The following NPEPPS variants were observed in gnomAD, a reference collection of about 807,000 sequenced individuals.
The protein encoded by NPEPPS is aminopeptidase puromycin sensitive.
A neutral mutation model predicts 115.5 loss-of-function variants in NPEPPS; 14 were observed. The ratio of observed to expected loss-of-function variants is 0.12; its 90% CI spans 0.08 to 0.19. NPEPPS has a LOEUF of 0.19. Among genes scored for constraint, NPEPPS ranks in the 10% least tolerant of loss-of-function variants. The pLI is 1.00. For missense variants in NPEPPS, 523 were observed against 1,110.8 expected (o/e 0.47, Z 7.52); for synonymous variants, 285 against 390.6 (o/e 0.73, Z 3.19).
At chr17:47,528,296 A>G (rs1351363178), upstream of NPEPPS, among the ~76,000 whole-genome samples, 2 of 152,022 alleles carry the variant, frequency 1.3e-5, no homozygotes, top group Non-Finnish European at 2.9e-5. Context: ...AGGAGACTCC[A>G]GCTCAAAAAA....
chr17:47,613,791 T>C (rs575068628), intron 19 of NPEPPS, 66 bp downstream of exon 19: 3 of 1,154,270 alleles, frequency 2.6e-6, no homozygotes, highest in African/African-American at 1.6e-5. Flanking sequence ...AGTAAACCTC[T>C]AAATGGTTAA....
intron 3 of NPEPPS, among the ~76,000 whole-genome samples, chr17:47,570,652 T>C (rs1480674314): frequency 6.6e-6 from 1 of 152,150 alleles, no homozygotes; most frequent in Non-Finnish European, 1.5e-5. Context: ...TATATACAAA[T>C]CAATTGGTGA....
intron 2 of NPEPPS, among the ~76,000 whole-genome samples, chr17:47,553,024 G>A (rs959483720): frequency 8.5e-5 from 13 of 152,142 alleles, no homozygotes; most frequent in African/African-American, 3.1e-4. Context: ...GCACCATATT[G>A]CAATTATTTG....
chr17:47,599,241 A>C (rs1913047898), intron 13 of NPEPPS, among the ~76,000 whole-genome samples: 1 of 152,220 alleles, frequency 6.6e-6, no homozygotes, highest in Non-Finnish European at 1.5e-5. Flanking sequence ...GTTCATTAAT[A>C]GTTTCCCTGT....
At chr17:47,619,231 C>T (rs1327957166) in intron 21 of NPEPPS, 67 bp downstream of exon 21, 2 of 1,383,528 alleles carry the variant, frequency 1.4e-6, no homozygotes, top group Non-Finnish European at 2.0e-6. Flanking sequence ...TGATTCACTA[C>T]ACCCATACAT....
At chr17:47,546,997 G>A (rs951820728) in intron 2 of NPEPPS, among the ~76,000 whole-genome samples, 2 of 151,966 alleles carry the variant, frequency 1.3e-5, no homozygotes, top group Admixed American at 6.6e-5. Flanking sequence ...AAGAGGCTTC[G>A]TTTTTATGTT....
chr17:47,622,786 T>A lies in NPEPPS; in HGVS notation c.*866T>A. On this transcript the variant is annotated 3_prime_UTR_variant, in exon 23 of 23. Transcript: ENST00000322157. ...AGGTGAGACAATAGAAATAAAAAGA[T>A]CTTCAGCCAGGCCTTTCTGAAGGAG... The A allele has an allele frequency of 2.3e-6, 1 of 431,294 alleles. No homozygotes were observed. Among genetic ancestry groups the A allele is most frequent in the Admixed American group, 2.9e-5 (1 of 34,298 alleles). 26.7% of individuals were successfully genotyped at this position (431,294 alleles called of 1,614,324 possible).
chr17:47,558,173 G>A (rs919611897), intron 2 of NPEPPS, among the ~76,000 whole-genome samples: 14 of 152,138 alleles, frequency 9.2e-5, no homozygotes, highest in Admixed American at 9.2e-4. Flanking sequence ...TGCTGCCGAG[G>A]CTGGGGTGTA....
At chr17:47,611,990 A>T (rs1370901023) in intron 17 of NPEPPS, among the ~76,000 whole-genome samples, 4 of 152,174 alleles carry the variant, frequency 2.6e-5, no homozygotes, top group Admixed American at 1.3e-4. Context: ...TGTGTTAAAC[A>T]TCTTTTTATG....
intron 3 of NPEPPS, among the ~76,000 whole-genome samples, chr17:47,572,486 AAAC>A (rs1411184389): frequency 1.1e-4 from 16 of 151,892 alleles, no homozygotes; most frequent in Admixed American, 2.6e-4. Flanking sequence ...GTTAAAAAAA[AAAC>A]AAACAAACCC....
chr17:47,597,703 G>A (rs1421028756), intron 13 of NPEPPS, among the ~76,000 whole-genome samples: 1 of 152,144 alleles, frequency 6.6e-6, no homozygotes, highest in Admixed American at 6.5e-5. Flanking sequence ...ATTTCTCAAT[G>A]TGGCAATCTA....
chr17:47,535,407 C>T (rs1342914355), intron 1 of NPEPPS, among the ~76,000 whole-genome samples: 77 of 143,270 alleles, frequency 5.4e-4, no homozygotes, highest in Middle Eastern at 4.1e-3. Context: ...AAAAATTAGC[C>T]GGGCGTGGTG....
chr17:47,568,881 C>G (rs1367309888), intron 2 of NPEPPS, among the ~76,000 whole-genome samples: 1 of 150,034 alleles, frequency 6.7e-6, no homozygotes, highest in Non-Finnish European at 1.5e-5. Flanking sequence ...TCTTGAACTC[C>G]TGACCCCAGG....
intron 3 of NPEPPS, among the ~76,000 whole-genome samples, chr17:47,574,237 A>C (rs2143817425): frequency 6.6e-6 from 1 of 152,216 alleles, no homozygotes. Flanking sequence ...AAGTTTTAAG[A>C]GCAGAAACAA....
intron 1 of NPEPPS, among the ~76,000 whole-genome samples, chr17:47,537,701 T>TAA (rs772361436): frequency 4.3e-5 from 6 of 140,342 alleles, no homozygotes; most frequent in Admixed American, 7.2e-5. Context: ...ACCCTGTCTT[T>TAA]AAAAAAAAAA....
intron 1 of NPEPPS, among the ~76,000 whole-genome samples, chr17:47,532,394 G>A (rs1254929518): frequency 2.0e-5 from 3 of 152,092 alleles, no homozygotes; most frequent in Non-Finnish European, 2.9e-5. Context: ...GGTGGCTCAT[G>A]CCTGTAATCC....
chr17:47,611,141 C>T (rs1281123549), intron 17 of NPEPPS, among the ~76,000 whole-genome samples: 2 of 151,726 alleles, frequency 1.3e-5, no homozygotes, highest in African/African-American at 2.4e-5. Flanking sequence ...TGTGAGCCAC[C>T]GCGCCCGTCC....
rs569529500 is a variant in NPEPPS at position 47,590,597 on chromosome 17, G to A, written c.1096-120G>A. The A allele has an allele frequency of 1.6e-3, 2,112 of 1,290,116 alleles. 19 individuals carry two copies. In the African/African-American group the frequency reaches 0.027, roughly 16 times the overall value. 79.9% of individuals were successfully genotyped at this position (1,290,116 alleles called of 1,614,324 possible). A position where few individuals can be genotyped will look rare whatever the true frequency, so the allele number is the denominator to read the frequency against. ...AGTTCTTTGCCAAATGTTTTGAACT[G>A]AATTTTAGGTCATTAAATTGTGAGT... On this transcript the variant is annotated intron_variant, in intron 9 of 22. Transcript: ENST00000322157.
intron 1 of NPEPPS, among the ~76,000 whole-genome samples, chr17:47,532,085 A>G (rs1168234386): frequency 6.6e-6 from 1 of 151,920 alleles, no homozygotes; most frequent in African/African-American, 2.4e-5. Flanking sequence ...GAGCTTCTAG[A>G]AGGGGGGGGA....
Sources: allele counts gnomAD v4.1 joint callset (sites outside exome capture counted in the v4.1 genomes callset), GRCh38; gene constraint gnomAD v4.1.1; transcripts MANE v1.5; gene names NCBI Gene and HGNC (gene_info 2026-07-23, HGNC 2026-07-21).